Variants in CUL4B observed in about 807,000 individuals in gnomAD.
The protein encoded by CUL4B is cullin-4B.
In CUL4B, 1 loss-of-function variant was observed where a neutral mutation model predicts 69.2. The ratio of observed to expected loss-of-function variants is 0.01; its 90% CI spans 0.01 to 0.07. The LOEUF is 0.07. Among genes scored for constraint, CUL4B ranks in the 10% least tolerant of loss-of-function variants. The pLI, the probability that CUL4B is intolerant of heterozygous loss-of-function variation, is 1.00. For synonymous variants in CUL4B, 237 were observed against 223.2 expected (o/e 1.06, Z -0.55); for missense variants, 328 against 638.8 (o/e 0.51, Z 5.24).
chrX:120,526,897 A>G (rs1922999596), intron 19 of CUL4B, 41 bp from the exon 20 acceptor site: 1 of 869,707 alleles, frequency 1.1e-6, no homozygotes, highest in Non-Finnish European at 1.7e-6. Context: ...GTTCATTATC[A>G]TTGGCTCAAG....
At chrX:120,534,237 G>A (rs1173492154) in intron 17 of CUL4B, among the ~76,000 whole-genome samples, 2 of 107,055 alleles carry the variant, frequency 1.9e-5, no homozygotes, top group African/African-American at 3.4e-5. Flanking sequence ...AGCCAGGCAC[G>A]GTGGCATGCA....
rs1925262843 is a variant in CUL4B, at chrX:120,560,956, C to T, written c.-318G>A. ...CCCCCTTTCTGCAGGAGCGACTCAG[C>T]GAGTCTGTGAGGCTGCAGCTCCTCC... On this transcript the variant is annotated 5_prime_UTR_variant, in exon 1 of 20. Transcript: ENST00000371322. 2.7e-6 allele frequency: 2 copies of T among 752,892 alleles called. No individual in the cohort carries two copies. Among genetic ancestry groups the T allele is most frequent in the African/African-American group, 4.6e-5 (2 of 43,377 alleles). The allele number at this position is 752,892 out of a possible 1,213,427, so 62.0% of individuals were successfully genotyped here.
chrX:120,527,856 T>C (rs992383123), intron 19 of CUL4B, among the ~76,000 whole-genome samples: 3 of 112,141 alleles, frequency 2.7e-5, no homozygotes, highest in Non-Finnish European at 3.8e-5. Flanking sequence ...TACATTAAAC[T>C]GTCACATCCT....
Position 120,532,539 on chromosome X carries a change from A to C in CUL4B, c.2322T>G (p.Val774=), listed in dbSNP as rs1186093103. The stretch of plus-strand genomic sequence containing the variant: ...CTTTGCCCTTTGGATTTTTCGCCAG[A>C]ACTCTAGCTTTGCCACAGGCTAATG... ...LQSLACGKAR[V]LAKNPKGKDI... is the part of the protein sequence containing the mutation. The change falls in exon 18 of 20, where the codon GTT becomes GTG. Residue 774 remains valine (V), a synonymous_variant. Coordinates refer to ENST00000371322, the MANE Select transcript of CUL4B (RefSeq NM_001079872.2). The C allele has an allele frequency of 8.3e-7, 1 of 1,208,106 alleles. No individual in the cohort carries two copies. The highest frequency in any genetic ancestry group is 3.0e-5 in the East Asian group (1 of 33,774).
In CUL4B at chrX:120,560,703, T is replaced by C. The variant is rs997704737; in HGVS notation, c.-65A>G. ...CTACGTTTATATGCCTGCGTGCGTGTAGGAGAGAAGGTAGCAATGCTAGAG... is the reference window on the plus strand; with the variant it reads ...CTACGTTTATATGCCTGCGTGCGTGCAGGAGAGAAGGTAGCAATGCTAGAG... On this transcript the variant is annotated 5_prime_UTR_variant, in exon 1 of 20. Coordinates refer to ENST00000371322, the MANE Select transcript of CUL4B (RefSeq NM_001079872.2). The C allele has an allele frequency of 2.6e-6, 3 of 1,169,506 alleles. No individual in the cohort carries two copies. Among genetic ancestry groups the C allele is most frequent in the Admixed American group, 4.7e-5 (2 of 42,223 alleles).
Position 120,560,402 on chromosome X carries a change from T to G in CUL4B, c.237A>C (p.Ser79=), listed in dbSNP as rs1321375388. The G allele has an allele frequency of 3.3e-6, 4 of 1,208,909 alleles. No homozygotes were observed. The highest frequency in any genetic ancestry group is 4.5e-6 in the Non-Finnish European group (4 of 893,851). The change falls in exon 1 of 20, where the codon TCA becomes TCC. Residue 79 remains serine (S), a synonymous_variant. Transcript: ENST00000371322. The part of the protein sequence containing the change: ...PLQPRDSASP[S]TSSFCLGVSV... ...AAACCCCCAGGCAGAAGGACGAGGT[T>G]GAAGGGGATGCCGAATCCCTGGGTT...
intron 2 of CUL4B, among the ~76,000 whole-genome samples, chrX:120,548,001 C>G (rs112799744): frequency 0.068 from 7,453 of 110,263 alleles, 612 homozygotes; most frequent in African/African-American, 0.23. Context: ...GATCGTGTAA[C>G]TTAACACTTA....
chrX:120,546,209 A>G (rs1189932707), intron 4 of CUL4B, among the ~76,000 whole-genome samples: 1 of 110,479 alleles, frequency 9.1e-6, no homozygotes, highest in African/African-American at 3.3e-5. Context: ...CTAGTTTCCA[A>G]TTCAGAAAAG....
intron 19 of CUL4B, among the ~76,000 whole-genome samples, chrX:120,528,389 A>G (rs1335842974): frequency 9.6e-6 from 1 of 104,563 alleles, no homozygotes; most frequent in Non-Finnish European, 1.9e-5. Flanking sequence ...CCTGGGTGAC[A>G]GAGCAAGAAG....
At position 120,545,458 on chromosome X, in the gene CUL4B, C is replaced by A; in HGVS notation, c.906G>T (p.Met302Ile). 8.5e-7 allele frequency: 1 copy of A among 1,173,249 alleles called. No homozygotes were observed. Among genetic ancestry groups the A allele is most frequent in the Admixed American group, 2.3e-5 (1 of 43,293 alleles). Residue 302 changes from methionine to isoleucine, a missense_variant, in exon 5 of 20, where the codon ATG becomes ATT. Coordinates refer to ENST00000371322, the MANE Select transcript of CUL4B (RefSeq NM_001079872.2). ...LDRTYVLQNS[M>I]LPSIWDMGLE... The stretch of plus-strand genomic sequence containing the variant: ...GGCATCCTTACCAAATGGAGGGTAG[C>A]ATTGAATTCTGAAGAACGTAAGTTC...
intron 11 of CUL4B, among the ~76,000 whole-genome samples, 190 bp downstream of exon 11, chrX:120,540,180 T>C (rs1923907174): frequency 8.9e-6 from 1 of 112,335 alleles, no homozygotes; most frequent in African/African-American, 3.2e-5. Flanking sequence ...AAGCACATTA[T>C]GTTTGACATG....
chrX:120,534,131 A>G (rs1349684830), intron 17 of CUL4B, among the ~76,000 whole-genome samples: 1 of 109,130 alleles, frequency 9.2e-6, no homozygotes, highest in Admixed American at 9.8e-5. Context: ...GTACTTAGGG[A>G]GGCTGAGGCA....
intron 11 of CUL4B, among the ~76,000 whole-genome samples, 159 bp downstream of exon 11, chrX:120,540,211 C>T (rs1602576017): frequency 8.9e-6 from 1 of 111,992 alleles, no homozygotes; most frequent in Admixed American, 9.5e-5. Context: ...GTACTTACAT[C>T]CAGGTTTTTA....
At chrX:120,561,824 TTAAGA>T (rs765242771), upstream of CUL4B, among the ~76,000 whole-genome samples, 3 of 111,066 alleles carry the variant, frequency 2.7e-5, no homozygotes, top group African/African-American at 9.8e-5. Context: ...TGTCCCTATG[TTAAGA>T]TAGGAAAGGA....
upstream of CUL4B, chrX:120,561,048 C>T: frequency 3.1e-6 from 3 of 970,352 alleles, no homozygotes; most frequent in South Asian, 3.0e-5. Flanking sequence ...GGGAAAGAAC[C>T]AGGGCTTGTT....
chrX:120,558,436 T>TAA (rs1259104826), intron 1 of CUL4B, among the ~76,000 whole-genome samples: 2 of 112,074 alleles, frequency 1.8e-5, no homozygotes, highest in African/African-American at 6.5e-5. Context: ...ATAAGCCTCT[T>TAA]AATCTTCCCA....
upstream of CUL4B, chrX:120,561,303 T>C: frequency 1.8e-6 from 1 of 548,698 alleles, no homozygotes; most frequent in Non-Finnish European, 3.3e-6. Context: ...CTTCCTTCCC[T>C]GGCCCACCGG....
intron 17 of CUL4B, 114 bp downstream of exon 17, chrX:120,534,367 G>GAA: frequency 3.4e-5 from 17 of 494,313 alleles, no homozygotes; most frequent in South Asian, 5.8e-5. Flanking sequence ...TAAAAAAAAA[G>GAA]AAAAAAAAAA....
At chrX:120,526,978 T>G (rs779135099) in intron 19 of CUL4B, 122 bp from the exon 20 acceptor site, 2 of 358,287 alleles carry the variant, frequency 5.6e-6, no homozygotes, top group East Asian at 5.3e-5. Flanking sequence ...TTTTTAAAAT[T>G]TTTATTTATT....
Sources: allele counts gnomAD v4.1 joint callset (sites outside exome capture counted in the v4.1 genomes callset), GRCh38; gene constraint gnomAD v4.1.1; transcripts MANE v1.5; gene names NCBI Gene and HGNC (gene_info 2026-07-23, HGNC 2026-07-21).